USP34: variants seen among roughly 807,000 people sequenced by gnomAD.
USP34 encodes the protein ubiquitin specific peptidase 34, also known as ubiquitin carboxyl-terminal hydrolase 34.
Under a neutral mutation model 460.3 loss-of-function variants are expected in USP34, and 70 were observed. The observed-to-expected ratio is 0.15, with a 90% CI of 0.13 to 0.19. The LOEUF (loss-of-function observed/expected upper bound fraction) is 0.19. Ranked by LOEUF, USP34 falls within the 10% of genes least tolerant of loss-of-function variation. The probability of loss-of-function intolerance (pLI) is 1.00; values close to 1 mark genes in which losing one functional copy is unlikely to be tolerated. For synonymous variants in USP34, 1,647 were observed against 1,405.3 expected (o/e 1.17, Z -3.85); for missense variants, 3,985 against 4,236.2 (o/e 0.94, Z 1.65).
intron 1 of USP34, among the ~76,000 whole-genome samples, chr2:61,461,646 C>G (rs1573068828): frequency 6.6e-6 from 1 of 152,258 alleles, no homozygotes; most frequent in East Asian, 1.9e-4. Context: ...GCACACATCA[C>G]CATGCCCTGC....
Position 61,297,601 on chromosome 2 carries a change from G to A in USP34, c.4129-676C>T, listed in dbSNP as rs146608965. ...AATTGACAGTTTTGGTATTTTCCACGGAGTATAAATTTATTACTACTGCTA... is the reference window on the plus strand; with the variant it reads ...AATTGACAGTTTTGGTATTTTCCACAGAGTATAAATTTATTACTACTGCTA... On this transcript the variant is annotated intron_variant, in intron 29 of 79. Transcript: ENST00000398571. Among the ~76,000 whole-genome samples, 31 of 152,248 alleles carry A rather than the reference G, an allele frequency of 2.0e-4. No homozygotes were observed. In the East Asian group the frequency reaches 3.5e-3, roughly 17 times the overall value.
chr2:61,470,626 C>T, intron 1 of USP34, 24 bp downstream of exon 1: 1 of 1,566,340 alleles, frequency 6.4e-7, no homozygotes, highest in Non-Finnish European at 8.7e-7. Context: ...TGCACCCCGA[C>T]AGGCCGCTAC....
chr2:61,288,636 T>A, intron 34 of USP34, 41 bp downstream of exon 34: 1 of 1,588,122 alleles, frequency 6.3e-7, no homozygotes, highest in Non-Finnish European at 8.6e-7. Flanking sequence ...TTTATAAAAA[T>A]AAATGGAATT....
chr2:61,265,170 T>A (rs754832181), intron 43 of USP34: 1 of 492,874 alleles, frequency 2.0e-6, no homozygotes, highest in Non-Finnish European at 3.5e-6. Flanking sequence ...AGCATGCATA[T>A]TCCATAGCTG....
intron 43 of USP34, among the ~76,000 whole-genome samples, chr2:61,261,857 C>A (rs1216544730): frequency 6.6e-6 from 1 of 151,810 alleles, no homozygotes; most frequent in Non-Finnish European, 1.5e-5. Context: ...GTAATCCCAG[C>A]ACTTTGGGAG....
chr2:61,226,321 C>T (rs757215058), intron 62 of USP34, among the ~76,000 whole-genome samples: 4 of 152,184 alleles, frequency 2.6e-5, no homozygotes, highest in Non-Finnish European at 4.4e-5. Context: ...CATATGCACA[C>T]GTCTGTGAAT....
At chr2:61,458,464 G>C (rs994234720) in intron 1 of USP34, among the ~76,000 whole-genome samples, 11 of 151,478 alleles carry the variant, frequency 7.3e-5, no homozygotes, top group African/African-American at 2.7e-4. Flanking sequence ...GGGAGGCTGA[G>C]GCAGGAGAAT....
chr2:61,365,294 T>TACACACACACAC (rs1255160949), intron 10 of USP34, among the ~76,000 whole-genome samples: 7 of 109,754 alleles, frequency 6.4e-5, no homozygotes, highest in African/African-American at 2.7e-4. Context: ...CACACACACG[T>TACACACACACAC]GTGTTTATTT....
chr2:61,343,259 T>C (rs1691661184), intron 16 of USP34, among the ~76,000 whole-genome samples: 1 of 152,224 alleles, frequency 6.6e-6, no homozygotes, highest in Non-Finnish European at 1.5e-5. Context: ...ATTAATTCCC[T>C]ACTACTCTTT....
At chr2:61,324,436 A>G (rs1048187667) in intron 21 of USP34, among the ~76,000 whole-genome samples, 2 of 152,158 alleles carry the variant, frequency 1.3e-5, no homozygotes, top group African/African-American at 4.8e-5. Flanking sequence ...AATAATACCT[A>G]TCTCCAACCA....
At chr2:61,252,033 T>C (rs1273759998) in intron 48 of USP34, among the ~76,000 whole-genome samples, 1 of 150,488 alleles carries the variant, frequency 6.6e-6, no homozygotes, top group African/African-American at 2.4e-5. Context: ...TATGTCGAGA[T>C]AAGAAAAATA....
intron 76 of USP34, among the ~76,000 whole-genome samples, chr2:61,192,206 G>C (rs1686665421): frequency 6.6e-6 from 1 of 152,242 alleles, no homozygotes; most frequent in Non-Finnish European, 1.5e-5. Flanking sequence ...CAATGGGGTA[G>C]AGCAGATGCA....
intron 1 of USP34, among the ~76,000 whole-genome samples, chr2:61,467,817 T>C (rs1438956658): frequency 6.6e-6 from 1 of 151,780 alleles, no homozygotes; most frequent in Non-Finnish European, 1.5e-5. Context: ...GAGATGGGGT[T>C]TCACCATATT....
intron 10 of USP34, among the ~76,000 whole-genome samples, chr2:61,356,326 A>G (rs575791722): frequency 6.6e-6 from 1 of 152,252 alleles, no homozygotes; most frequent in East Asian, 1.9e-4. Context: ...TGTCTCTACT[A>G]AAAAATACAA....
intron 67 of USP34, among the ~76,000 whole-genome samples, chr2:61,218,714 G>T (rs548208278): frequency 6.6e-6 from 1 of 152,122 alleles, no homozygotes; most frequent in East Asian, 1.9e-4. Context: ...TACTGGTCGG[G>T]TATTTCATAG....
At position 61,354,021 on chromosome 2, in the gene USP34, G is replaced by A. The variant is rs191943113; in HGVS notation, c.1252-3328C>T. On this transcript the variant is annotated intron_variant, in intron 10 of 79. Transcript: ENST00000398571. ...AATGAATAGCCTAAGGGACCTGTGG[G>A]ATACCATGAAGCAGAGCAACACATT... Among the ~76,000 whole-genome samples, 32 of 152,270 alleles carry A rather than the reference G, an allele frequency of 2.1e-4. No homozygotes were observed. The East Asian group carries it at 5.2e-3, about 25-fold the overall frequency.
intron 34 of USP34, among the ~76,000 whole-genome samples, chr2:61,286,605 A>C (rs573495255): frequency 6.6e-5 from 10 of 152,286 alleles, no homozygotes; most frequent in African/African-American, 2.4e-4. Context: ...CAGTGAGCCG[A>C]GATGGCGCCA....
chr2:61,344,027 T>C lies in USP34; in HGVS notation c.2288A>G (p.His763Arg), dbSNP rs370430069. The part of the protein sequence containing the change: ...HHHHHHHHDG[H>R]MVDDMLSADD... ...TGCACTTAGCATATCATCAACCATATGCCTACAAAACAGAGAAAAGCACAA... is the reference window on the plus strand; with the variant it reads ...TGCACTTAGCATATCATCAACCATACGCCTACAAAACAGAGAAAAGCACAA... Residue 763 changes from histidine to arginine, a missense_variant and splice_region_variant, in exon 16 of 80, where the codon CAT (histidine) becomes CGT (arginine). Transcript: ENST00000398571. The C allele has an allele frequency of 2.4e-5, 39 of 1,613,412 alleles. No homozygotes were observed. Among genetic ancestry groups the C allele is most frequent in the Admixed American group, 1.2e-4 (7 of 60,002 alleles).
intron 18 of USP34, among the ~76,000 whole-genome samples, chr2:61,338,927 T>C (rs1691507541): frequency 6.6e-6 from 1 of 152,174 alleles, no homozygotes; most frequent in Non-Finnish European, 1.5e-5. Context: ...CATTAAAAGA[T>C]ACATCTAAAT....
Sources: allele counts gnomAD v4.1 joint callset (sites outside exome capture counted in the v4.1 genomes callset), GRCh38; gene constraint gnomAD v4.1.1; transcripts MANE v1.5; gene names NCBI Gene and HGNC (gene_info 2026-07-23, HGNC 2026-07-21).